SARNP: variants seen among roughly 807,000 people sequenced by gnomAD.
The protein encoded by SARNP is SAP domain containing ribonucleoprotein.
SARNP carries 5 observed loss-of-function variants against 38.1 expected under a neutral mutation model. The observed-to-expected ratio is 0.13, with a 90% CI of 0.07 to 0.28. The LOEUF (loss-of-function observed/expected upper bound fraction) is 0.28. Ranked by LOEUF, SARNP falls within the 10% of genes least tolerant of loss-of-function variation. SARNP has a pLI of 1.00. For synonymous variants in SARNP, 84 were observed against 80.6 expected (o/e 1.04, Z -0.23); for missense variants, 180 against 243.9 (o/e 0.74, Z 1.75).
downstream of SARNP, chr12:55,756,138 G>C (rs566640324): frequency 2.8e-4 from 43 of 152,334 alleles, no homozygotes; most frequent in African/African-American, 9.9e-4. Context: ...CCCAAGATCA[G>C]AGCCTGAGGT....
intron 9 of SARNP, among the ~76,000 whole-genome samples, chr12:55,780,937 G>T (rs61956405): frequency 0.1 from 15,566 of 152,248 alleles, 1,109 homozygotes; most frequent in Non-Finnish European, 0.16. Flanking sequence ...TTGACTGAGG[G>T]TAACTGAAAC....
At chr12:55,794,229 T>C (rs1013855675) in intron 7 of SARNP, 130 bp downstream of exon 7, 6 of 812,552 alleles carry the variant, frequency 7.4e-6, no homozygotes, top group African/African-American at 6.9e-5. Flanking sequence ...AAGCAGGAGA[T>C]GAATGTTACA....
chr12:55,791,976 T>C (rs1324771621), intron 7 of SARNP, among the ~76,000 whole-genome samples: 1 of 152,098 alleles, frequency 6.6e-6, no homozygotes, highest in African/African-American at 2.4e-5. Context: ...TTATCTTTCT[T>C]CAAATAGCAT....
chr12:55,792,466 C>A (rs575384254), intron 7 of SARNP: 5 of 151,334 alleles, frequency 3.3e-5, no homozygotes, highest in African/African-American at 9.7e-5. Context: ...CCGCTTCCCA[C>A]GTTCAAGCAC....
At chr12:55,759,665 T>G (rs1592552422) in intron 10 of SARNP, among the ~76,000 whole-genome samples, 1 of 152,342 alleles carries the variant, frequency 6.6e-6, no homozygotes, top group Non-Finnish European at 1.5e-5. Context: ...GATCTTGAAC[T>G]CTCGACCTCA....
In SARNP at chr12:55,757,314, A is replaced by C. The variant is rs181838188; in HGVS notation, c.*198T>G. 54 of 414,064 alleles carry C rather than the reference A, an allele frequency of 1.3e-4. No homozygotes were observed. The East Asian group carries it at 1.9e-3, about 15-fold the overall frequency. 25.6% of individuals were successfully genotyped at this position (414,064 alleles called of 1,614,324 possible). ...TTATTAACAAGCAACATAATCAAAA[A>C]CAAAAACACAACAACCTTAAAGCTG... On this transcript the variant is annotated 3_prime_UTR_variant, in exon 11 of 11. Coordinates refer to ENST00000336133, the MANE Select transcript of SARNP (RefSeq NM_033082.4).
downstream of SARNP, chr12:55,754,749 A>G (rs1878450898): frequency 1.3e-5 from 2 of 152,230 alleles, no homozygotes; most frequent in South Asian, 4.1e-4. Flanking sequence ...TGATATGAGA[A>G]TATCACTTAA....
intron 9 of SARNP, among the ~76,000 whole-genome samples, chr12:55,784,202 A>G (rs1305284187): frequency 6.6e-6 from 1 of 152,232 alleles, no homozygotes; most frequent in Non-Finnish European, 1.5e-5. Flanking sequence ...ACTGAATAAA[A>G]TCTGTGCCTA....
At chr12:55,800,746 T>C (rs1001610606) in intron 3 of SARNP, 108 bp downstream of exon 3, 3 of 1,275,242 alleles carry the variant, frequency 2.4e-6, no homozygotes, top group Admixed American at 1.7e-5. Context: ...ACCCATCTTA[T>C]GCTCCCCTAA....
chr12:55,796,201 C>A, intron 4 of SARNP, 125 bp from the exon 5 acceptor site: 2 of 651,584 alleles, frequency 3.1e-6, no homozygotes, highest in Non-Finnish European at 2.7e-6. Flanking sequence ...CCCCCTAAGC[C>A]AAAGAAACAT....
intron 1 of SARNP, among the ~76,000 whole-genome samples, chr12:55,807,516 T>G (rs1430128699): frequency 6.6e-6 from 1 of 151,662 alleles, no homozygotes; most frequent in Non-Finnish European, 1.5e-5. Context: ...TTAAAAAAAA[T>G]TTTTGGTCGG....
chr12:55,790,519 T>C lies in SARNP; in HGVS notation c.432+48A>G, dbSNP rs550139378. On this transcript the variant is annotated intron_variant, in intron 8 of 10. Transcript: ENST00000336133. ...GAGGAGGAGTCTCTAAAGTTAGCTATATAGAATTAAGATCTGGGTGTGTAA... is the reference window on the plus strand; with the variant it reads ...GAGGAGGAGTCTCTAAAGTTAGCTACATAGAATTAAGATCTGGGTGTGTAA... The C allele has an allele frequency of 7.2e-6, 11 of 1,537,450 alleles. 1 individual carries two copies. The African/African-American group carries it at 8.4e-5, about 12-fold the overall frequency.
intron 9 of SARNP, among the ~76,000 whole-genome samples, chr12:55,767,118 G>C (rs2136180611): frequency 6.6e-6 from 1 of 152,312 alleles, no homozygotes; most frequent in African/African-American, 2.4e-5. Flanking sequence ...TTTGCACACA[G>C]GAACTATAAA....
intron 9 of SARNP, among the ~76,000 whole-genome samples, chr12:55,763,423 C>T (rs761236933): frequency 2.0e-5 from 3 of 151,910 alleles, no homozygotes; most frequent in Non-Finnish European, 4.4e-5. Flanking sequence ...GGGATTCTCC[C>T]GCCTCAGCCT....
intron 9 of SARNP, among the ~76,000 whole-genome samples, chr12:55,766,429 A>G (rs1166034024): frequency 6.6e-6 from 1 of 152,172 alleles, no homozygotes; most frequent in African/African-American, 2.4e-5. Context: ...CTCAAGATTT[A>G]AAACACCAAG....
At chr12:55,811,756 A>AT (rs1880334787) in intron 1 of SARNP, among the ~76,000 whole-genome samples, 1 of 152,138 alleles carries the variant, frequency 6.6e-6, no homozygotes, top group African/African-American at 2.4e-5. Flanking sequence ...ACCTGTAAAT[A>AT]TTCACTAAGA....
chr12:55,794,238 C>A (rs748021933), intron 7 of SARNP, 121 bp downstream of exon 7: 1 of 874,594 alleles, frequency 1.1e-6, no homozygotes, highest in African/African-American at 1.7e-5. Context: ...ATGAATGTTA[C>A]AATCTCTTAA....
At chr12:55,774,295 C>T (rs1879097260) in intron 9 of SARNP, among the ~76,000 whole-genome samples, 1 of 151,968 alleles carries the variant, frequency 6.6e-6, no homozygotes, top group African/African-American at 2.4e-5. Context: ...AGCCACTGTA[C>T]CACATTTGTT....
intron 1 of SARNP, among the ~76,000 whole-genome samples, chr12:55,816,770 T>C (rs1292072653): frequency 1.3e-5 from 2 of 152,218 alleles, no homozygotes; most frequent in Non-Finnish European, 2.9e-5. Flanking sequence ...GTTCTTCTTT[T>C]TAATATATTT....
Sources: allele counts gnomAD v4.1 joint callset (sites outside exome capture counted in the v4.1 genomes callset), GRCh38; gene constraint gnomAD v4.1.1; transcripts MANE v1.5; gene names NCBI Gene and HGNC (gene_info 2026-07-23, HGNC 2026-07-21).